Variants in CHD1 observed in about 807,000 individuals in gnomAD.
CHD1 encodes chromodomain helicase DNA binding protein 1, also known as ATP-dependent chromatin remodeler CHD1.
Under a neutral mutation model 224.2 loss-of-function variants are expected in CHD1, and 36 were observed. The observed-to-expected ratio is 0.16, with a 90% confidence interval of 0.12 to 0.21. The LOEUF (loss-of-function observed/expected upper bound fraction) is 0.21. CHD1 is among the 10% of genes least tolerant of loss of function. The pLI is 1.00. For missense variants in CHD1, 1,378 were observed against 1,994.8 expected, an observed-to-expected ratio of 0.69 and a Z score of 5.89; for synonymous variants, 668 against 658.3, an observed-to-expected ratio of 1.01 and a Z score of -0.23.
At position 98,899,503 on chromosome 5, in the gene CHD1, T is replaced by C. The variant is rs116853447; in HGVS notation, c.1062A>G (p.Lys354=). The part of the protein sequence containing the change: ...RGMKKLDNYK[K]KDQETKRWLK... ...ACCATCTTTTTGTTTCCTGATCTTT[T>C]TTCTTATAATTATCCAATTTTTTCA... Residue 354 remains lysine, a synonymous_variant, in exon 8 of 36, where the codon AAA becomes AAG. Transcript: ENST00000614616. 2.9e-5 allele frequency: 46 copies of C among 1,609,182 alleles called. No individual in the cohort carries two copies. The East Asian group carries it at 7.6e-4, about 27-fold the overall frequency.
intron 24 of CHD1, among the ~76,000 whole-genome samples, 193 bp from the exon 25 acceptor site, chr5:98,875,306 A>G (rs1749670870): frequency 6.6e-6 from 1 of 152,204 alleles, no homozygotes; most frequent in Non-Finnish European, 1.5e-5. Flanking sequence ...AAGACAAGGT[A>G]AATTAACATC....
At chr5:98,872,344 T>C in intron 27 of CHD1, 73 bp downstream of exon 27, 3 of 1,500,440 alleles carry the variant, frequency 2.0e-6, no homozygotes, top group Non-Finnish European at 2.7e-6. Flanking sequence ...AATAACACCA[T>C]AAAAATTCAG....
chr5:98,874,269 G>A (rs1178909077), intron 25 of CHD1, among the ~76,000 whole-genome samples: 1 of 151,942 alleles, frequency 6.6e-6, no homozygotes, highest in Non-Finnish European at 1.5e-5. Flanking sequence ...CAGACAGTGG[G>A]TTGGCCACAA....
intron 25 of CHD1, among the ~76,000 whole-genome samples, chr5:98,874,239 A>C (rs1041322419): frequency 2.6e-5 from 4 of 152,152 alleles, no homozygotes; most frequent in African/African-American, 7.2e-5. Flanking sequence ...AACTAATTTG[A>C]GTCTTTGCTG....
intron 3 of CHD1, among the ~76,000 whole-genome samples, chr5:98,904,661 G>A (rs1010753090): frequency 2.6e-5 from 4 of 152,162 alleles, no homozygotes; most frequent in African/African-American, 7.2e-5. Flanking sequence ...GGCAGAAAAC[G>A]TTTTATTTGC....
At position 98,893,619 on chromosome 5, in the gene CHD1, GA is replaced by G. The variant is rs1580449292; in HGVS notation, c.1801-14del. ...CTCCAAGGAATGCCTTAAAATAATAGAAAAACAGTATTTTGAGAGAAAAACG... is the reference window on the plus strand; with the variant it reads ...CTCCAAGGAATGCCTTAAAATAATAGAAAACAGTATTTTGAGAGAAAAACG... On this transcript the variant is annotated splice_polypyrimidine_tract_variant and intron_variant, in intron 13 of 35. Coordinates refer to ENST00000614616, the MANE Select transcript of CHD1 (RefSeq NM_001270.4). 1 of 1,503,296 alleles carries G rather than the reference GA, an allele frequency of 6.7e-7. No homozygotes were observed. The highest frequency in any genetic ancestry group is 2.4e-5 in the East Asian group (1 of 40,888). The allele number at this position is 1,503,296 out of a possible 1,614,324, so 93.1% of individuals were successfully genotyped here.
intron 24 of CHD1, among the ~76,000 whole-genome samples, chr5:98,875,691 T>C (rs1191572513): frequency 1.3e-5 from 2 of 152,324 alleles, no homozygotes; most frequent in East Asian, 3.9e-4. Flanking sequence ...ACTAACAATG[T>C]ATTAAATTTT....
chr5:98,903,912 T>C lies in CHD1; in HGVS notation c.256-4A>G, dbSNP rs372894251. On this transcript the variant is annotated splice_polypyrimidine_tract_variant and splice_region_variant and intron_variant, in intron 3 of 35. Transcript: ENST00000614616. ...TACTAGGACTAGATTTCCAAAACTA[T>C]AATAGAAATATAAACCAGTGAATGA... The C allele has an allele frequency of 1.4e-5, 22 of 1,548,774 alleles. No homozygotes were observed. In the African/African-American group the frequency reaches 2.2e-4, roughly 15 times the overall value.
chr5:98,889,097 A>G lies in CHD1; in HGVS notation c.2322T>C (p.Tyr774=). The change falls in exon 16 of 36, where the codon TAT becomes TAC. Residue 774 remains tyrosine, a synonymous_variant. Transcript: ENST00000614616. The stretch of plus-strand genomic sequence containing the variant: ...TTACTTGTAAGGCCTCCTGTTTATT[A>G]TAGAATTCATTATTATCTGGTGGTT... The part of the protein sequence containing the change: ...LIKPPDNNEF[Y]NKQEALQHLI... 6.3e-7 allele frequency: 1 copy of G among 1,591,690 alleles called. No individual in the cohort carries two copies. Among genetic ancestry groups the G allele is most frequent in the East Asian group, 2.2e-5 (1 of 44,708 alleles).
intron 19 of CHD1, 132 bp downstream of exon 19, chr5:98,882,956 G>T: frequency 1.9e-6 from 1 of 530,022 alleles, no homozygotes; most frequent in Non-Finnish European, 3.0e-6. Context: ...AAGCTCCTCA[G>T]TATCCTATCG....
At chr5:98,884,068 TTTG>T (rs1353492224) in intron 18 of CHD1, among the ~76,000 whole-genome samples, 1 of 147,330 alleles carries the variant, frequency 6.8e-6, no homozygotes, top group African/African-American at 2.5e-5. Context: ...TCTCTAACTC[TTTG>T]TTTTTTGTTT....
intron 4 of CHD1, 77 bp downstream of exon 4, chr5:98,903,715 A>T: frequency 1.0e-6 from 1 of 978,016 alleles, no homozygotes; most frequent in Non-Finnish European, 1.7e-6. Flanking sequence ...TATTATTTTT[A>T]ATAATTTCAC....
At chr5:98,927,039 GAT>G (rs1260748242) in intron 1 of CHD1, among the ~76,000 whole-genome samples, 2 of 151,542 alleles carry the variant, frequency 1.3e-5, no homozygotes. Context: ...GCAAATAAAA[GAT>G]ACCATATACT....
rs1381472223 is a variant in CHD1, at chr5:98,928,774, C to G, written c.-384G>C. 6.4e-6 allele frequency: 1 copy of G among 155,512 alleles called. No individual in the cohort carries two copies. Among genetic ancestry groups the G allele is most frequent in the Non-Finnish European group, 1.4e-5 (1 of 69,848 alleles). 9.6% of individuals were successfully genotyped at this position (155,512 alleles called of 1,614,324 possible). A position where few individuals can be genotyped will look rare whatever the true frequency, so the allele number is the denominator to read the frequency against. ...CAATTCATTATTGAAGCACCAAGGGCGAGGGCAGCAAGAGCTATAAGTAAC... is the reference window on the plus strand; with the variant it reads ...CAATTCATTATTGAAGCACCAAGGGGGAGGGCAGCAAGAGCTATAAGTAAC... On this transcript the variant is annotated 5_prime_UTR_variant, in exon 1 of 36. Coordinates refer to ENST00000614616, the MANE Select transcript of CHD1 (RefSeq NM_001270.4).
chr5:98,889,370 T>C (rs1283122472), intron 15 of CHD1, 132 bp from the exon 16 acceptor site: 1 of 632,340 alleles, frequency 1.6e-6, no homozygotes, highest in Non-Finnish European at 2.6e-6. Context: ...AATTCACAGC[T>C]GTATATACAA....
Position 98,856,412 on chromosome 5 carries a change from G to T in CHD1, c.5101C>A (p.Pro1701Thr). Residue 1701 changes from proline to threonine, a missense_variant, in exon 36 of 36, where the codon CCG becomes ACG. Physicochemically the swap from Pro to Thr is conservative, Grantham distance 38. Coordinates refer to ENST00000614616, the MANE Select transcript of CHD1 (RefSeq NM_001270.4). ...FEHSVEHKST[P>T]EHTWSSRKT is the part of the protein sequence containing the mutation. Reference sequence around the variant, plus strand: ...TTCCGACTACTCCAGGTATGCTCCGGTGTACTTTTGTGTTCAACTGAATGT... The same window carrying T: ...TTCCGACTACTCCAGGTATGCTCCGTTGTACTTTTGTGTTCAACTGAATGT... The T allele has an allele frequency of 6.2e-7, 1 of 1,613,430 alleles. No individual in the cohort carries two copies. Among genetic ancestry groups the T allele is most frequent in the Non-Finnish European group, 8.5e-7 (1 of 1,179,458 alleles).
chr5:98,869,684 G>T, intron 30 of CHD1, 70 bp downstream of exon 30: 1 of 1,495,140 alleles, frequency 6.7e-7, no homozygotes. Context: ...AATTTTAAAT[G>T]TAAAGTACAC....
At chr5:98,907,350 A>G (rs1016262876) in intron 2 of CHD1, among the ~76,000 whole-genome samples, 3 of 152,170 alleles carry the variant, frequency 2.0e-5, no homozygotes, top group African/African-American at 7.2e-5. Context: ...GCACTTTGGA[A>G]GGCAGAGGGG....
chr5:98,895,211 C>G (rs1467041671), intron 12 of CHD1, among the ~76,000 whole-genome samples: 1 of 152,122 alleles, frequency 6.6e-6, no homozygotes, highest in Non-Finnish European at 1.5e-5. Flanking sequence ...GAAGTAAACA[C>G]AATTTTAAAG....
Sources: allele counts gnomAD v4.1 joint callset (sites outside exome capture counted in the v4.1 genomes callset), GRCh38; gene constraint gnomAD v4.1.1; transcripts MANE v1.5; gene names NCBI Gene and HGNC (gene_info 2026-07-23, HGNC 2026-07-21).